Variants in AGBL1 observed in about 807,000 individuals in gnomAD.
AGBL1 encodes the protein cytosolic carboxypeptidase 4.
AGBL1 carries 130 observed loss-of-function variants against 118.9 expected under a neutral mutation model. The observed-to-expected ratio is 1.09, with a 90% CI of 0.95 to 1.26. AGBL1 has a LOEUF of 1.26. Among genes scored for constraint, AGBL1 ranks in the 50% most tolerant of loss-of-function variants. The pLI, the probability that AGBL1 is intolerant of heterozygous loss-of-function variation, is 0.00. For missense variants in AGBL1, 1,584 were observed against 1,298.1 expected, an observed-to-expected ratio of 1.22 and a Z score of -3.38; for synonymous variants, 555 against 478.9, an observed-to-expected ratio of 1.16 and a Z score of -2.08.
intron 22 of AGBL1, among the ~76,000 whole-genome samples, chr15:86,825,385 T>G (rs1414901105): frequency 2.2e-4 from 1 of 4,544 alleles, no homozygotes; most frequent in African/African-American, 7.9e-4. Context: ...AGGTAGAAAC[T>G]GTAAAAAAAA....
intron 17 of AGBL1, among the ~76,000 whole-genome samples, chr15:86,310,574 A>T (rs762355777): frequency 1.1e-4 from 17 of 151,900 alleles, no homozygotes; most frequent in Non-Finnish European, 2.5e-4. Context: ...AGCCTGGTGC[A>T]GGGGGCCCCT....
intron 5 of AGBL1, among the ~76,000 whole-genome samples, chr15:86,174,104 G>A (rs2077451026): frequency 1.3e-5 from 2 of 151,932 alleles, no homozygotes; most frequent in Non-Finnish European, 2.9e-5. Flanking sequence ...CTTTCCATTT[G>A]TTTGTGTCCT....
chr15:86,156,833 A>G (rs575440237), intron 4 of AGBL1, among the ~76,000 whole-genome samples: 1 of 134,302 alleles, frequency 7.4e-6, no homozygotes, highest in African/African-American at 2.9e-5. Context: ...TCTGTCACCC[A>G]GGCTGGAATG....
intron 22 of AGBL1, among the ~76,000 whole-genome samples, chr15:86,715,464 CATAACT>C (rs1242598513): frequency 6.6e-6 from 1 of 152,138 alleles, no homozygotes; most frequent in East Asian, 1.9e-4. Flanking sequence ...ATTTTTAACT[CATAACT>C]GAACTGATCC....
At chr15:86,582,348 T>C (rs1234454796) in intron 21 of AGBL1, among the ~76,000 whole-genome samples, 2 of 152,126 alleles carry the variant, frequency 1.3e-5, no homozygotes, top group Non-Finnish European at 2.9e-5. Flanking sequence ...GTCTATATAA[T>C]CTTTAAAGCC....
chr15:86,650,673 T>C (rs978137569), intron 21 of AGBL1, among the ~76,000 whole-genome samples: 1 of 152,176 alleles, frequency 6.6e-6, no homozygotes, highest in Non-Finnish European at 1.5e-5. Flanking sequence ...TTAAAAACTA[T>C]AGGGCAAGAT....
Position 86,247,455 on chromosome 15 carries a change from G to T in AGBL1, c.527-216G>T, listed in dbSNP as rs77131685. Among the ~76,000 whole-genome samples, 1,185 of 152,328 alleles carry T rather than the reference G, an allele frequency of 7.8e-3. 9 individuals carry two copies. The highest frequency in any genetic ancestry group is 0.03 in the South Asian group (147 of 4,824). On this transcript the variant is annotated intron_variant, in intron 6 of 22. Coordinates refer to ENST00000614907, the MANE Select transcript of AGBL1 (RefSeq NM_001386094.1). ...ATAGAAGTGATGCCGATCTTTCTCA[G>T]TGTATCATATCGGGTGGCACGTGAT... is the stretch of plus-strand genomic sequence containing the variant.
chr15:86,943,359 A>C (rs2141657690), intron 23 of AGBL1, among the ~76,000 whole-genome samples: 1 of 152,332 alleles, frequency 6.6e-6, no homozygotes, highest in South Asian at 2.1e-4. Flanking sequence ...GGAAAAAAAT[A>C]AATTCACAAA....
intron 5 of AGBL1, among the ~76,000 whole-genome samples, chr15:86,208,243 T>C (rs1300779988): frequency 6.6e-6 from 1 of 152,214 alleles, no homozygotes; most frequent in Admixed American, 6.5e-5. Context: ...TGAGGATTTT[T>C]GCATCGATGT....
chr15:86,671,823 G>T (rs995980699), intron 21 of AGBL1, among the ~76,000 whole-genome samples: 1 of 152,076 alleles, frequency 6.6e-6, no homozygotes, highest in African/African-American at 2.4e-5. Context: ...ATTTAGAGTC[G>T]CTATTTACCC....
chr15:86,721,545 T>C (rs536897336), intron 22 of AGBL1, among the ~76,000 whole-genome samples: 2 of 152,264 alleles, frequency 1.3e-5, no homozygotes, highest in African/African-American at 4.8e-5. Flanking sequence ...CCACAGCCAA[T>C]ATCATACTGA....
In AGBL1 at chr15:86,142,021, G is replaced by T; in HGVS notation, c.69G>T (p.Glu23Asp). The change falls in exon 2 of 23, where the codon GAG (glutamate) becomes GAT (aspartate). Residue 23 changes from glutamate to aspartate, a missense_variant. Physicochemically the swap from Glu to Asp is conservative, Grantham distance 45. Transcript: ENST00000614907. ...LHTLQSSSDKESILTILKVLG... is the reference protein window; with the variant it reads ...LHTLQSSSDKDSILTILKVLG... ...CATTGCAGAGCTCCTCTGACAAGGA[G>T]TCCATCCTGACCATCCTCAAGGTCC... 5.2e-6 allele frequency: 8 copies of T among 1,550,160 alleles called. No individual in the cohort carries two copies. The East Asian group carries it at 2.0e-4, about 38-fold the overall frequency.
At chr15:86,994,601 T>C (rs1451744822) in intron 24 of AGBL1, among the ~76,000 whole-genome samples, 1 of 152,218 alleles carries the variant, frequency 6.6e-6, no homozygotes, top group Admixed American at 6.5e-5. Flanking sequence ...CATTTATTTC[T>C]AGGCAAGTAG....
intron 23 of AGBL1, among the ~76,000 whole-genome samples, chr15:86,931,425 G>A (rs1279616020): frequency 6.6e-6 from 1 of 152,112 alleles, no homozygotes; most frequent in Admixed American, 6.5e-5. Context: ...TTCTCCTGCT[G>A]CAAAACCTGG....
At chr15:86,451,636 A>G (rs1330880110) in intron 18 of AGBL1, among the ~76,000 whole-genome samples, 1 of 152,184 alleles carries the variant, frequency 6.6e-6, no homozygotes, top group Admixed American at 6.5e-5. Flanking sequence ...TACCTACCAA[A>G]AGGAGAAATG....
intron 17 of AGBL1, among the ~76,000 whole-genome samples, chr15:86,327,132 C>T (rs937931834): frequency 1.1e-4 from 16 of 152,040 alleles, no homozygotes; most frequent in Non-Finnish European, 1.5e-4. Flanking sequence ...TGGCTTCAAC[C>T]TATGTGGATG....
At chr15:86,835,047 T>C (rs1247256729) in intron 22 of AGBL1, among the ~76,000 whole-genome samples, 1 of 152,152 alleles carries the variant, frequency 6.6e-6, no homozygotes, top group Non-Finnish European at 1.5e-5. Flanking sequence ...ACATATGGAC[T>C]CTCTTGTCTG....
In AGBL1 at chr15:86,710,328, C is replaced by A. The variant is rs371920783; in HGVS notation, c.3158+35892C>A. On this transcript the variant is annotated intron_variant, in intron 22 of 22. Transcript: ENST00000614907. The stretch of plus-strand genomic sequence containing the variant: ...CTTTACTTAGTAAGACCTATTAGAC[C>A]CATTGTTAGTTGTCTTTTGAATCAA... 4.6e-5 allele frequency among the ~76,000 whole-genome samples: 7 copies of A among 152,044 alleles called. No homozygotes were observed. The East Asian group carries it at 9.6e-4, about 21-fold the overall frequency.
chr15:86,979,511 T>C (rs1284500230), intron 23 of AGBL1, among the ~76,000 whole-genome samples: 1 of 151,074 alleles, frequency 6.6e-6, no homozygotes, highest in Non-Finnish European at 1.5e-5. Context: ...GGGGGGGAGA[T>C]GGTGTCTCCC....
Sources: allele counts gnomAD v4.1 joint callset (sites outside exome capture counted in the v4.1 genomes callset), GRCh38; gene constraint gnomAD v4.1.1; transcripts MANE v1.5; gene names NCBI Gene and HGNC (gene_info 2026-07-23, HGNC 2026-07-21).